PCDHGA7: variants seen among roughly 807,000 people sequenced by gnomAD.
PCDHGA7 encodes protocadherin gamma-A7.
In PCDHGA7, 44 loss-of-function variants were observed where a neutral mutation model predicts 58.3. That is an observed-to-expected ratio of 0.75 (90% CI 0.59 to 0.97). PCDHGA7 has a LOEUF of 0.97. Ranked by LOEUF, PCDHGA7 falls within the 50% of genes least tolerant of loss-of-function variation. The pLI, the probability that PCDHGA7 is intolerant of heterozygous loss-of-function variation, is 0.00. For missense variants in PCDHGA7, 1,266 were observed against 1,188.7 expected (o/e 1.06, Z -0.96); for synonymous variants, 516 against 504.2 (o/e 1.02, Z -0.31).
chr5:141,386,098 G>A (rs1384243905), intron 1 of PCDHGA7: 3 of 152,228 alleles, frequency 2.0e-5, no homozygotes, highest in Non-Finnish European at 4.4e-5. Flanking sequence ...GATGAAGTGT[G>A]TCTGTGGGCT....
chr5:141,423,874 A>G (rs1264795133), intron 1 of PCDHGA7: 2 of 1,283,268 alleles, frequency 1.6e-6, no homozygotes, highest in East Asian at 3.1e-5. Context: ...GTCATTTTTC[A>G]ATCTTGGCAT....
At chr5:141,395,472 A>T in intron 1 of PCDHGA7, 1 of 548,076 alleles carries the variant, frequency 1.8e-6, no homozygotes, top group South Asian at 2.6e-5. Flanking sequence ...GCCTTCCAGT[A>T]TTTTATTCCT....
intron 1 of PCDHGA7, chr5:141,408,696 A>G (rs768439069): frequency 6.2e-7 from 1 of 1,613,648 alleles, no homozygotes; most frequent in East Asian, 2.2e-5. Context: ...ATAAACATAA[A>G]CTCAATTAAA....
chr5:141,441,797 G>A, intron 1 of PCDHGA7: 2 of 386,536 alleles, frequency 5.2e-6, no homozygotes, highest in Non-Finnish European at 1.0e-5. Context: ...ACAACGCACC[G>A]CGGGTGCTGT....
intron 1 of PCDHGA7, chr5:141,427,962 G>C (rs767684725): frequency 5.0e-6 from 8 of 1,589,982 alleles, no homozygotes; most frequent in Non-Finnish European, 6.9e-6. Flanking sequence ...TGTGCCGCGG[G>C]TGCTGTACCC....
chr5:141,394,184 C>T (rs1277537550), intron 1 of PCDHGA7: 1 of 1,613,944 alleles, frequency 6.2e-7, no homozygotes, highest in Non-Finnish European at 8.5e-7. Flanking sequence ...ATGCCTCCTA[C>T]TCAGCGTATA....
rs375882135 is a variant in PCDHGA7 at position 141,389,276 on chromosome 5, G to C, written c.2424+3953G>C. The C allele has an allele frequency of 7.9e-5, 128 of 1,613,976 alleles. No individual in the cohort carries two copies. In the Middle Eastern group the frequency reaches 1.8e-3, roughly 23 times the overall value. On this transcript the variant is annotated intron_variant, in intron 1 of 3. Coordinates refer to ENST00000518325, the MANE Select transcript of PCDHGA7 (RefSeq NM_018920.4). ...TAGTCCACGTGGCCGAGAACAACCC[G>C]CCTGGAGCCTCTATTTCACAAGTCA...
chr5:141,490,445 A>G lies in PCDHGA7; in HGVS notation c.2425-4362A>G, dbSNP rs2099700298. 6.2e-7 allele frequency: 1 copy of G among 1,614,022 alleles called. No individual in the cohort carries two copies. The highest frequency in any genetic ancestry group is 8.5e-7 in the Non-Finnish European group (1 of 1,180,030). ...CCATTTCAGATTAAGCCTTCTGAGA[A>G]CCACTACTCGCTGCTAACCAGCCAG... On this transcript the variant is annotated intron_variant, in intron 1 of 3. Coordinates refer to ENST00000518325, the MANE Select transcript of PCDHGA7 (RefSeq NM_018920.4). The surrounding 1 kb of genome is among the most constrained non-coding windows in gnomAD (Gnocchi z 5.4).
intron 1 of PCDHGA7, among the ~76,000 whole-genome samples, chr5:141,465,094 G>GT (rs138941665): frequency 0.11 from 15,577 of 148,094 alleles, 909 homozygotes; most frequent in African/African-American, 0.15. Flanking sequence ...TTTTCTAGTA[G>GT]TTTTTTTTTT....
At chr5:141,483,076 C>A (rs964178941) in intron 1 of PCDHGA7, among the ~76,000 whole-genome samples, 8 of 152,044 alleles carry the variant, frequency 5.3e-5, no homozygotes, top group Non-Finnish European at 8.8e-5. Context: ...CAGAGAGAGA[C>A]TCCATCTCAA....
At chr5:141,418,077 T>G (rs770464447) in intron 1 of PCDHGA7, 4 of 1,613,914 alleles carry the variant, frequency 2.5e-6, no homozygotes, top group African/African-American at 1.3e-5. Context: ...GCGGAGAAGC[T>G]GCACTTCAGC....
chr5:141,389,191 T>A, intron 1 of PCDHGA7: 1 of 1,614,050 alleles, frequency 6.2e-7, no homozygotes, highest in Non-Finnish European at 8.5e-7. Context: ...AGTTCCAGCA[T>A]CACCCTGCAC....
At chr5:141,404,248 G>C (rs1404333144) in intron 1 of PCDHGA7, 10 of 1,613,694 alleles carry the variant, frequency 6.2e-6, no homozygotes, top group South Asian at 1.1e-5. Context: ...CTCCGCCCCT[G>C]TCCACAGAAA....
chr5:141,448,122 C>A (rs1315243727), intron 1 of PCDHGA7, among the ~76,000 whole-genome samples: 1 of 151,820 alleles, frequency 6.6e-6, no homozygotes, highest in Non-Finnish European at 1.5e-5. Context: ...AAATTAGCCT[C>A]CCCCACCCTC....
chr5:141,504,434 A>C (rs2099838201), intron 2 of PCDHGA7, among the ~76,000 whole-genome samples: 1 of 152,234 alleles, frequency 6.6e-6, no homozygotes, highest in South Asian at 2.1e-4. Flanking sequence ...CAACAGCTGC[A>C]GTGTGACTAG....
At chr5:141,405,330 T>C (rs750658260) in intron 1 of PCDHGA7, 1 of 1,614,206 alleles carries the variant, frequency 6.2e-7, no homozygotes, top group East Asian at 2.2e-5. Context: ...CCTTTGTGCG[T>C]CTCTGTTGAT....
chr5:141,468,351 A>T (rs1030472813), intron 1 of PCDHGA7: 1 of 149,190 alleles, frequency 6.7e-6, no homozygotes, highest in East Asian at 2.0e-4. Flanking sequence ...AAAAAAAAAG[A>T]AAGAAAAAAG....
In PCDHGA7 at chr5:141,511,269, C is replaced by A; in HGVS notation, c.*96C>A. The A allele has an allele frequency of 1.3e-6, 2 of 1,546,672 alleles. No homozygotes were observed. Among genetic ancestry groups the A allele is most frequent in the Non-Finnish European group, 1.7e-6 (2 of 1,145,264 alleles). The stretch of plus-strand genomic sequence containing the variant: ...AGGCCTCAGAGTTTCAGGGCTAACC[C>A]CCAGAATACTGGTAGGGGCCAAGGC... On this transcript the variant is annotated 3_prime_UTR_variant, in exon 4 of 4. Transcript: ENST00000518325.
intron 1 of PCDHGA7, chr5:141,403,447 C>G (rs1382965437): frequency 6.2e-7 from 1 of 1,613,924 alleles, no homozygotes; most frequent in Non-Finnish European, 8.5e-7. Context: ...TTGGCGTGAA[C>G]TCCCTCCAGA....
Sources: gnomAD v4.1 joint callset for allele counts (sites outside exome capture counted in the v4.1 genomes callset) on GRCh38, gnomAD v4.1.1 for gene constraint, Gnocchi (gnomAD v3.1) non-coding constraint, MANE v1.5 for transcripts, NCBI Gene and HGNC (gene_info 2026-07-23, HGNC 2026-07-21) for gene names.